Variants in DRC1 observed in about 807,000 individuals in gnomAD.
The protein encoded by DRC1 is dynein regulatory complex subunit 1.
Under a neutral mutation model 98.7 loss-of-function variants are expected in DRC1, and 74 were observed. That is an observed-to-expected ratio of 0.75 (90% CI 0.62 to 0.91). DRC1 has a LOEUF of 0.91. Among genes scored for constraint, DRC1 ranks in the 40% least tolerant of loss-of-function variants. The pLI, the probability that DRC1 is intolerant of heterozygous loss-of-function variation, is 0.00. For missense variants in DRC1, 875 were observed against 886.0 expected (o/e 0.99, Z 0.16); for synonymous variants, 336 against 334.1 (o/e 1.01, Z -0.06).
intron 5 of DRC1, 110 bp downstream of exon 5, chr2:26,429,875 G>A (rs1663388963): frequency 8.4e-7 from 1 of 1,188,422 alleles, no homozygotes; most frequent in Admixed American, 2.6e-5. Flanking sequence ...TCTGTCCGCT[G>A]ATTTCTGTTT....
At chr2:26,421,910 G>C (rs967580520) in intron 3 of DRC1, among the ~76,000 whole-genome samples, 1 of 151,986 alleles carries the variant, frequency 6.6e-6, no homozygotes, top group African/African-American at 2.4e-5. Flanking sequence ...TTGCTGATAC[G>C]TGCCAAGCTG....
chr2:26,409,637 G>C (rs1572351351), intron 1 of DRC1, among the ~76,000 whole-genome samples: 1 of 152,128 alleles, frequency 6.6e-6, no homozygotes, highest in African/African-American at 2.4e-5. Flanking sequence ...TTGAAAATAA[G>C]AGCAATAGAC....
At chr2:26,431,391 G>T (rs1004094701) in intron 6 of DRC1, among the ~76,000 whole-genome samples, 5 of 152,148 alleles carry the variant, frequency 3.3e-5, no homozygotes, top group Non-Finnish European at 5.9e-5. Flanking sequence ...GCAGCTTGCT[G>T]TGTTTTCCGT....
chr2:26,409,955 A>T (rs1264553281), intron 1 of DRC1, among the ~76,000 whole-genome samples: 1 of 152,076 alleles, frequency 6.6e-6, no homozygotes, highest in Non-Finnish European at 1.5e-5. Flanking sequence ...GTGGGGAGAA[A>T]AAAACAAGAA....
chr2:26,426,716 T>C (rs1403591649), intron 4 of DRC1, among the ~76,000 whole-genome samples: 2 of 152,196 alleles, frequency 1.3e-5, no homozygotes, highest in East Asian at 1.9e-4. Context: ...CTTTGTTCTT[T>C]TCTCAAGACT....
At chr2:26,450,445 C>G (rs1488925524) in intron 12 of DRC1, 147 bp from the exon 13 acceptor site, 11 of 686,916 alleles carry the variant, frequency 1.6e-5, no homozygotes, top group Non-Finnish European at 2.5e-5. Flanking sequence ...ATGTGTGTGT[C>G]CCCAAGTTCA....
intron 1 of DRC1, among the ~76,000 whole-genome samples, chr2:26,409,284 A>AT (rs1293227785): frequency 6.6e-6 from 1 of 152,106 alleles, no homozygotes; most frequent in African/African-American, 2.4e-5. Context: ...ATTAAAATTT[A>AT]TTTTTTCTGC....
At chr2:26,434,237 C>T (rs1663510290) in intron 7 of DRC1, among the ~76,000 whole-genome samples, 1 of 152,102 alleles carries the variant, frequency 6.6e-6, no homozygotes, top group African/African-American at 2.4e-5. Flanking sequence ...AAATGTCTTA[C>T]TATTCAAGTG....
At chr2:26,418,604 T>TATATAATTATATATA (rs2147983235) in intron 2 of DRC1, among the ~76,000 whole-genome samples, 1 of 92,724 alleles carries the variant, frequency 1.1e-5, no homozygotes, top group East Asian at 2.5e-4. Context: ...ATTTATATAA[T>TATATAATTATATATA]ATATAAATTA....
Position 26,430,858 on chromosome 2 carries a change from C to T in DRC1, c.751C>T (p.His251Tyr). The part of the protein sequence containing the change: ...KKKWEQALQA[H>Y]NAKELEYLNN... ...GAAATGGGAGCAAGCCCTTCAGGCT[C>T]ATAATGCCAAAGAGGTAAAGGGTGG... The change falls in exon 6 of 17, where the codon CAT becomes TAT. Residue 251 changes from histidine to tyrosine, a missense_variant. His to Tyr is a moderately conservative substitution (Grantham distance 83, BLOSUM62 2). Transcript: ENST00000288710. 1 of 1,610,088 alleles carries T rather than the reference C, an allele frequency of 6.2e-7. No individual in the cohort carries two copies. Among genetic ancestry groups the T allele is most frequent in the Non-Finnish European group, 8.5e-7 (1 of 1,177,580 alleles).
intron 5 of DRC1, 115 bp from the exon 6 acceptor site, chr2:26,430,671 A>G (rs1299022327): frequency 2.8e-6 from 3 of 1,088,940 alleles, no homozygotes; most frequent in Non-Finnish European, 2.8e-6. Context: ...TTTGGATTTG[A>G]CTTTTTCTAT....
chr2:26,411,676 C>A (rs994330845), intron 1 of DRC1, among the ~76,000 whole-genome samples: 1 of 151,962 alleles, frequency 6.6e-6, no homozygotes, highest in African/African-American at 2.4e-5. Flanking sequence ...GCGTGTTTGT[C>A]GTCCCAGCTA....
chr2:26,414,875 C>T (rs1223735633), intron 2 of DRC1, among the ~76,000 whole-genome samples: 1 of 152,082 alleles, frequency 6.6e-6, no homozygotes, highest in Non-Finnish European at 1.5e-5. Flanking sequence ...CTATTCTCCT[C>T]TTCTTCTCTC....
At chr2:26,427,629 C>T (rs767050650) in intron 4 of DRC1, among the ~76,000 whole-genome samples, 1 of 152,038 alleles carries the variant, frequency 6.6e-6, no homozygotes, top group Non-Finnish European at 1.5e-5. Flanking sequence ...TCTAGCTGAC[C>T]TTAGTCACGC....
chr2:26,418,576 A>T (rs1345808116), intron 2 of DRC1, among the ~76,000 whole-genome samples: 1 of 97,688 alleles, frequency 1.0e-5, no homozygotes, highest in Non-Finnish European at 1.8e-5. Flanking sequence ...AATATATATT[A>T]TATATAAATT....
At chr2:26,427,821 T>C (rs1663325286) in intron 4 of DRC1, among the ~76,000 whole-genome samples, 1 of 152,238 alleles carries the variant, frequency 6.6e-6, no homozygotes, top group Non-Finnish European at 1.5e-5. Context: ...AGTGAGAACA[T>C]GCAAAGTTTG....
At position 26,448,768 on chromosome 2, in the gene DRC1, A is replaced by G; in HGVS notation, c.1474A>G (p.Thr492Ala). ...GCCGAAGCAAATTTCTGAAAAAACT[A>G]CCAAGAGGATCCTGATGCTCCTGTG... ...DLPKQISEKT[T>A]KRILMLLCDE... Residue 492 changes from threonine to alanine, a missense_variant, in exon 11 of 17, where the codon ACC becomes GCC. Physicochemically the swap from Thr to Ala is moderately conservative, Grantham distance 58 (BLOSUM62 0). Transcript: ENST00000288710. 1 of 1,614,210 alleles carries G rather than the reference A, an allele frequency of 6.2e-7. No individual in the cohort carries two copies. The highest frequency in any genetic ancestry group is 8.5e-7 in the Non-Finnish European group (1 of 1,180,032).
At chr2:26,456,073 G>A (rs1400656696) in intron 16 of DRC1, among the ~76,000 whole-genome samples, 1 of 152,238 alleles carries the variant, frequency 6.6e-6, no homozygotes, top group African/African-American at 2.4e-5. Flanking sequence ...CCCTTGGCCT[G>A]TGACAGGACC....
intron 1 of DRC1, among the ~76,000 whole-genome samples, chr2:26,409,020 A>C (rs1678512614): frequency 6.6e-6 from 1 of 151,948 alleles, no homozygotes; most frequent in Non-Finnish European, 1.5e-5. Context: ...ATAACCTTGA[A>C]TCCTGGGCTC....
Sources: gnomAD v4.1 joint callset for allele counts (sites outside exome capture counted in the v4.1 genomes callset) on GRCh38, gnomAD v4.1.1 for gene constraint, MANE v1.5 for transcripts, NCBI Gene and HGNC (gene_info 2026-07-23, HGNC 2026-07-21) for gene names.